Variants in GALNT13 observed in about 807,000 individuals in gnomAD.
GALNT13 encodes UDP-GalNAc:polypeptide N-acetylgalactosaminyltransferase 13.
In GALNT13, 28 loss-of-function variants were observed where a neutral mutation model predicts 64.2. The ratio of observed to expected loss-of-function variants is 0.44; its 90% CI spans 0.32 to 0.60. GALNT13 has a LOEUF of 0.60. Ranked by LOEUF, GALNT13 falls within the 20% of genes least tolerant of loss-of-function variation. The pLI is 0.05. For missense variants in GALNT13, 577 were observed against 669.8 expected, an observed-to-expected ratio of 0.86 and a Z score of 1.53; for synonymous variants, 214 against 224.6, an observed-to-expected ratio of 0.95 and a Z score of 0.42.
chr2:154,293,020 A>G (rs1026323298), intron 8 of GALNT13, among the ~76,000 whole-genome samples: 3 of 152,188 alleles, frequency 2.0e-5, no homozygotes, highest in Non-Finnish European at 4.4e-5. Flanking sequence ...CTCCATCATA[A>G]GACATTTATA....
intron 3 of GALNT13, among the ~76,000 whole-genome samples, chr2:154,082,335 T>C (rs1701312342): frequency 6.6e-6 from 1 of 151,700 alleles, no homozygotes; most frequent in Non-Finnish European, 1.5e-5. Context: ...GAATTCTATA[T>C]GACATTAAAA....
intron 3 of GALNT13, among the ~76,000 whole-genome samples, chr2:154,089,168 A>G (rs1519209): frequency 0.31 from 46,821 of 151,828 alleles, 7,644 homozygotes; most frequent in Non-Finnish European, 0.37. Context: ...AGTTCCTTTC[A>G]GGAGAGCTTT....
At chr2:154,210,943 T>C (rs1687724420) in intron 4 of GALNT13, among the ~76,000 whole-genome samples, 1 of 152,142 alleles carries the variant, frequency 6.6e-6, no homozygotes, top group African/African-American at 2.4e-5. Flanking sequence ...ATTTAATGAA[T>C]GTATGTATTA....
the GALNT13 span, among the ~76,000 whole-genome samples, chr2:153,789,597 T>C: frequency 6.6e-6 from 1 of 150,480 alleles, no homozygotes; most frequent in Non-Finnish European, 1.5e-5. Flanking sequence ...CAAATCAGAG[T>C]TGAACTGAAG....
At chr2:154,380,740 A>G (rs781225486) in intron 9 of GALNT13, among the ~76,000 whole-genome samples, 4 of 152,042 alleles carry the variant, frequency 2.6e-5, no homozygotes, top group African/African-American at 4.8e-5. Context: ...GAGTCTAGGG[A>G]TGGCCTAGCT....
the GALNT13 span, among the ~76,000 whole-genome samples, chr2:153,351,586 A>T: frequency 6.6e-6 from 1 of 152,150 alleles, no homozygotes; most frequent in Non-Finnish European, 1.5e-5. Context: ...GAGTTGTTTT[A>T]CTGCCCTAAA....
At chr2:153,629,547 A>G in the GALNT13 span, among the ~76,000 whole-genome samples, 1 of 152,232 alleles carries the variant, frequency 6.6e-6, no homozygotes, top group South Asian at 2.1e-4. Context: ...TAAAAACCCT[A>G]GAAGAAAACC....
the GALNT13 span, among the ~76,000 whole-genome samples, chr2:153,355,768 G>C: frequency 6.6e-6 from 1 of 152,092 alleles, no homozygotes; most frequent in South Asian, 2.1e-4. Flanking sequence ...ATGCCTACAA[G>C]GTTTTCATGA....
chr2:153,230,539 T>G, the GALNT13 span, among the ~76,000 whole-genome samples: 1 of 152,224 alleles, frequency 6.6e-6, no homozygotes, highest in Non-Finnish European at 1.5e-5. Context: ...TAATTCATCA[T>G]GATGTTATGA....
chr2:153,116,865 TC>T, the GALNT13 span, among the ~76,000 whole-genome samples: 1 of 138,716 alleles, frequency 7.2e-6, no homozygotes, highest in Admixed American at 8.5e-5. Context: ...AGGGGCGCGA[TC>T]TTGGCTCACT....
the GALNT13 span, among the ~76,000 whole-genome samples, chr2:153,392,451 C>T: frequency 6.6e-6 from 1 of 152,020 alleles, no homozygotes; most frequent in African/African-American, 2.4e-5. Flanking sequence ...GCAGAGTAAT[C>T]TCCTTAGTTG....
At chr2:154,428,777 ATT>A (rs70983722) in intron 11 of GALNT13, among the ~76,000 whole-genome samples, 14,884 of 139,466 alleles carry the variant, frequency 0.11, 714 homozygotes, top group South Asian at 0.2. Flanking sequence ...ATGATCAGTG[ATT>A]TTTTTTTTTT....
intron 3 of GALNT13, among the ~76,000 whole-genome samples, chr2:153,949,481 G>T (rs1447076396): frequency 1.3e-5 from 2 of 151,234 alleles, no homozygotes; most frequent in East Asian, 4.0e-4. Flanking sequence ...TTTGAGTCCA[G>T]GCTGGGCAAT....
At chr2:153,967,508 T>C (rs1693454145) in intron 3 of GALNT13, among the ~76,000 whole-genome samples, 1 of 152,114 alleles carries the variant, frequency 6.6e-6, no homozygotes. Context: ...TACACAGTCT[T>C]GGTGGATTTG....
intron 8 of GALNT13, among the ~76,000 whole-genome samples, chr2:154,268,865 A>G (rs1242930330): frequency 6.6e-6 from 1 of 152,128 alleles, no homozygotes; most frequent in Non-Finnish European, 1.5e-5. Context: ...AATAAACTGT[A>G]TGGCAATATT....
At chr2:153,403,426 C>CG in the GALNT13 span, among the ~76,000 whole-genome samples, 7 of 152,170 alleles carry the variant, frequency 4.6e-5, no homozygotes, top group African/African-American at 1.7e-4. Context: ...CAGAGGCAGG[C>CG]AGGCCTCCTT....
At chr2:153,551,932 G>A in the GALNT13 span, among the ~76,000 whole-genome samples, 1 of 152,108 alleles carries the variant, frequency 6.6e-6, no homozygotes, top group African/African-American at 2.4e-5. Context: ...CTGAGCCCTG[G>A]GACTGCACCA....
chr2:154,265,465 G>A (rs531882986), intron 8 of GALNT13, among the ~76,000 whole-genome samples: 10 of 152,200 alleles, frequency 6.6e-5, no homozygotes, highest in East Asian at 3.9e-4. Flanking sequence ...TTGTGAGGCC[G>A]AGGAGGGCAG....
At chr2:154,389,046 T>A (rs1698652536) in intron 9 of GALNT13, among the ~76,000 whole-genome samples, 1 of 152,194 alleles carries the variant, frequency 6.6e-6, no homozygotes, top group Non-Finnish European at 1.5e-5. Context: ...TACATAGACA[T>A]AATTATTTTA....
Sources: allele counts gnomAD v4.1 joint callset (sites outside exome capture counted in the v4.1 genomes callset), GRCh38; gene constraint gnomAD v4.1.1; transcripts MANE v1.5; gene names NCBI Gene and HGNC (gene_info 2026-07-23, HGNC 2026-07-21).